Variants in FAM135B observed in about 807,000 individuals in gnomAD.
FAM135B encodes the protein family with sequence similarity 135 member B.
In FAM135B, 43 loss-of-function variants were observed where a neutral mutation model predicts 127.7. The observed-to-expected ratio is 0.34, with a 90% CI of 0.26 to 0.43. The LOEUF (loss-of-function observed/expected upper bound fraction) is 0.43. Ranked by LOEUF, FAM135B falls within the 20% of genes least tolerant of loss-of-function variation. The pLI, the probability that FAM135B is intolerant of heterozygous loss-of-function variation, is 1.00. For missense variants in FAM135B, 1,558 were observed against 1,725.6 expected, an observed-to-expected ratio of 0.90 and a Z score of 1.72; for synonymous variants, 670 against 665.1, an observed-to-expected ratio of 1.01 and a Z score of -0.11.
rs964987085 is a variant in FAM135B, at chr8:138,242,783, T to C, written c.669+159A>G. Reference sequence around the variant, plus strand: ...TTAGAAATATGTCTGATAGAGCTTGTAGTGATAAAAACAAGGGGTGGGAAG... The same window carrying C: ...TTAGAAATATGTCTGATAGAGCTTGCAGTGATAAAAACAAGGGGTGGGAAG... On this transcript the variant is annotated intron_variant, in intron 7 of 19. Transcript: ENST00000395297. This position sits in a 1 kb window ranked among gnomAD's most constrained non-coding sequence, Gnocchi z 9.6. 2.6e-5 allele frequency among the ~76,000 whole-genome samples: 4 copies of C among 152,028 alleles called. No homozygotes were observed. The highest frequency in any genetic ancestry group is 1.3e-4 in the Admixed American group (2 of 15,256).
intron 15 of FAM135B, 45 bp from the exon 16 acceptor site, chr8:138,143,154 G>A (rs1245448115): frequency 8.9e-7 from 1 of 1,129,464 alleles, no homozygotes; most frequent in Non-Finnish European, 1.3e-6. Context: ...GTTGTGGCGG[G>A]GGCTGGGCTT....
rs1821044769 is a variant in FAM135B, at chr8:138,243,669, A to G, written c.543-601T>C. Reference sequence around the variant, plus strand: ...CTCTGCAATCCAAAGATTAATGGACATATTGTGATGGCAATGATCAATTTC... The same window carrying G: ...CTCTGCAATCCAAAGATTAATGGACGTATTGTGATGGCAATGATCAATTTC... On this transcript the variant is annotated intron_variant, in intron 6 of 19. Transcript: ENST00000395297. The surrounding 1 kb of genome is among the most constrained non-coding windows in gnomAD (Gnocchi z 7.5). Among the ~76,000 whole-genome samples the G allele has an allele frequency of 6.6e-6, 1 of 152,256 alleles. No individual in the cohort carries two copies.
chr8:138,336,634 A>C (rs571424790), intron 2 of FAM135B, among the ~76,000 whole-genome samples: 5 of 152,216 alleles, frequency 3.3e-5, no homozygotes, highest in Middle Eastern at 6.8e-3. Flanking sequence ...CAACCAAAAA[A>C]AGTCCAGGAC....
At chr8:138,149,424 A>G (rs1242591325) in intron 13 of FAM135B, among the ~76,000 whole-genome samples, 4 of 151,954 alleles carry the variant, frequency 2.6e-5, no homozygotes, top group South Asian at 2.1e-4. Context: ...CAAATAACAC[A>G]TTTCTTATAA....
At chr8:138,362,081 G>C (rs575270420) in intron 2 of FAM135B, among the ~76,000 whole-genome samples, 73 of 152,200 alleles carry the variant, frequency 4.8e-4, no homozygotes, top group African/African-American at 1.7e-3. Context: ...TCATGGAGAA[G>C]AGAGTATTCA....
chr8:138,286,932 C>G (rs899833702), intron 3 of FAM135B, among the ~76,000 whole-genome samples: 1 of 152,216 alleles, frequency 6.6e-6, no homozygotes, highest in Admixed American at 6.5e-5. Flanking sequence ...CTTCCCTGAA[C>G]CTCAGTTCTT....
In FAM135B at chr8:138,427,290, T is replaced by C. The variant is rs958810220; in HGVS notation, c.-19-59288A>G. Among the ~76,000 whole-genome samples, 3 of 149,650 alleles carry C rather than the reference T, an allele frequency of 2.0e-5. No individual in the cohort carries two copies. In the South Asian group the frequency reaches 6.3e-4, roughly 31 times the overall value. On this transcript the variant is annotated intron_variant, in intron 1 of 19. Coordinates refer to ENST00000395297, the MANE Select transcript of FAM135B (RefSeq NM_015912.4). ...CATCAAGATTATATATATATATATA[T>C]AATATTTATGCATTCTACAAATATA...
At chr8:138,434,084 G>T (rs1269540357) in intron 1 of FAM135B, among the ~76,000 whole-genome samples, 1 of 152,184 alleles carries the variant, frequency 6.6e-6, no homozygotes, top group Non-Finnish European at 1.5e-5. Context: ...CACATTCTAA[G>T]CTTAGACAAG....
chr8:138,275,690 G>C (rs1311081606), intron 3 of FAM135B, among the ~76,000 whole-genome samples: 1 of 151,554 alleles, frequency 6.6e-6, no homozygotes, highest in African/African-American at 2.4e-5. Context: ...ACGAGAGTTT[G>C]TCTCTAAAAA....
chr8:138,385,902 C>G (rs1832175169), intron 1 of FAM135B, among the ~76,000 whole-genome samples: 2 of 151,974 alleles, frequency 1.3e-5, no homozygotes, highest in South Asian at 4.2e-4. Context: ...ACTGGGTACT[C>G]CAACATTTTA....
At chr8:138,137,115 A>T (rs2130537339) in intron 19 of FAM135B, 32 bp downstream of exon 19, 1 of 1,123,196 alleles carries the variant, frequency 8.9e-7, no homozygotes, top group Non-Finnish European at 1.4e-6. Context: ...TCAAATTAGA[A>T]AGTCCCTGAG....
At chr8:138,449,094 T>A (rs1353780683) in intron 1 of FAM135B, among the ~76,000 whole-genome samples, 2 of 152,180 alleles carry the variant, frequency 1.3e-5, no homozygotes, top group African/African-American at 4.8e-5. Context: ...AGGCCCAGGT[T>A]TACTCACAAT....
At chr8:138,349,914 A>T (rs1829665228) in intron 2 of FAM135B, among the ~76,000 whole-genome samples, 1 of 152,236 alleles carries the variant, frequency 6.6e-6, no homozygotes, top group African/African-American at 2.4e-5. Flanking sequence ...AAACATCTTC[A>T]TGATGATGAT....
chr8:138,381,653 A>G (rs935832273), intron 1 of FAM135B, among the ~76,000 whole-genome samples: 6 of 152,232 alleles, frequency 3.9e-5, no homozygotes, highest in African/African-American at 1.2e-4. Context: ...GCACATATGA[A>G]TGACTGAATA....
At chr8:138,237,462 G>A (rs893944865) in intron 7 of FAM135B, among the ~76,000 whole-genome samples, 1 of 152,106 alleles carries the variant, frequency 6.6e-6, no homozygotes, top group Admixed American at 6.6e-5. Flanking sequence ...TGCCCAGCCT[G>A]AATCCTTGAT....
chr8:138,132,355 G>A lies in FAM135B; in HGVS notation c.*238C>T. 2 of 480,022 alleles carry A rather than the reference G, an allele frequency of 4.2e-6. No homozygotes were observed. The highest frequency in any genetic ancestry group is 5.4e-5 in the South Asian group (2 of 37,106). 29.7% of individuals were successfully genotyped at this position (480,022 alleles called of 1,614,324 possible). On this transcript the variant is annotated 3_prime_UTR_variant, in exon 20 of 20. Coordinates refer to ENST00000395297, the MANE Select transcript of FAM135B (RefSeq NM_015912.4). The surrounding 1 kb of genome is among the most constrained non-coding windows in gnomAD (Gnocchi z 4.5). Reference sequence around the variant, plus strand: ...TCATATTTTTCCTAGAAAACATCTTGAATGACACTCCAGGTAACTATACAA... The same window carrying A: ...TCATATTTTTCCTAGAAAACATCTTAAATGACACTCCAGGTAACTATACAA...
At chr8:138,381,111 A>G (rs1831826726) in intron 1 of FAM135B, among the ~76,000 whole-genome samples, 1 of 152,190 alleles carries the variant, frequency 6.6e-6, no homozygotes, top group South Asian at 2.1e-4. Context: ...AAACAGACCC[A>G]GCCCTCTTTC....
At chr8:138,401,205 C>A (rs2131364478) in intron 1 of FAM135B, among the ~76,000 whole-genome samples, 1 of 152,174 alleles carries the variant, frequency 6.6e-6, no homozygotes, top group South Asian at 2.1e-4. Context: ...ATGATGATTC[C>A]CTCTGTAATA....
chr8:138,490,351 T>G (rs1356920621), intron 1 of FAM135B, among the ~76,000 whole-genome samples: 1 of 152,120 alleles, frequency 6.6e-6, no homozygotes, highest in Non-Finnish European at 1.5e-5. Context: ...AGCTACAGAC[T>G]GCGAAGGTCA....
Sources: gnomAD v4.1 joint callset for allele counts (sites outside exome capture counted in the v4.1 genomes callset) on GRCh38, gnomAD v4.1.1 for gene constraint, Gnocchi (gnomAD v3.1) non-coding constraint, MANE v1.5 for transcripts, NCBI Gene and HGNC (gene_info 2026-07-23, HGNC 2026-07-21) for gene names.